The following RBFOX1 variants were observed in gnomAD, a reference collection of about 807,000 sequenced individuals.
RBFOX1 encodes the protein RNA binding protein fox-1 homolog 1.
A neutral mutation model predicts 57.7 loss-of-function variants in RBFOX1; 8 were observed. The observed-to-expected ratio is 0.14, with a 90% CI of 0.08 to 0.25. RBFOX1 has a LOEUF of 0.25. Ranked by LOEUF, RBFOX1 falls within the 10% of genes least tolerant of loss-of-function variation. RBFOX1 has a pLI of 1.00. For synonymous variants in RBFOX1, 326 were observed against 222.4 expected (o/e 1.47, Z -4.15); for missense variants, 611 against 548.5 (o/e 1.11, Z -1.14).
At position 5,914,232 on chromosome 16, in the gene RBFOX1, T is replaced by G. The variant is rs374199143; in HGVS notation, c.351+46897T>G. ...CTAGTAGATGTCTTCTCACATGTAT[T>G]TATTTTCTGTTACATAACAAATTAT... On this transcript the variant is annotated intron_variant, in intron 4 of 19. Coordinates refer to the RBFOX1 transcript ENST00000641259. 6.6e-5 allele frequency among the ~76,000 whole-genome samples: 10 copies of G among 152,370 alleles called. No homozygotes were observed. The East Asian group carries it at 1.7e-3, about 26-fold the overall frequency.
At chr16:7,248,256 A>G (rs1376930878) in intron 4 of RBFOX1, among the ~76,000 whole-genome samples, 4 of 152,176 alleles carry the variant, frequency 2.6e-5, no homozygotes, top group Admixed American at 2.6e-4. Context: ...AGTGAGTGGC[A>G]CATGAACGGC....
At chr16:6,385,182 C>T (rs1207571458) in intron 2 of RBFOX1, among the ~76,000 whole-genome samples, 1 of 152,136 alleles carries the variant, frequency 6.6e-6, no homozygotes, top group African/African-American at 2.4e-5. Context: ...CAAGATAAAG[C>T]TGTTAAAGCT....
chr16:7,164,037 T>G (rs2078934689), intron 4 of RBFOX1, among the ~76,000 whole-genome samples: 1 of 152,128 alleles, frequency 6.6e-6, no homozygotes, highest in Admixed American at 6.6e-5. Context: ...TCTTTAGTGG[T>G]GATTTCTGAG....
chr16:5,272,570 C>T (rs1596357365), intron 1 of RBFOX1, among the ~76,000 whole-genome samples: 1 of 152,138 alleles, frequency 6.6e-6, no homozygotes, highest in Non-Finnish European at 1.5e-5. Context: ...CTGCCTCTAC[C>T]GATACCCCAC....
chr16:7,550,069 A>G (rs2085862938), intron 5 of RBFOX1, among the ~76,000 whole-genome samples: 1 of 152,064 alleles, frequency 6.6e-6, no homozygotes, highest in African/African-American at 2.4e-5. Flanking sequence ...AGCTGGGAAC[A>G]CAGGCACACA....
At chr16:5,380,183 C>T in intron 1 of RBFOX1, among the ~76,000 whole-genome samples, 1 of 152,210 alleles carries the variant, frequency 6.6e-6, no homozygotes, top group East Asian at 1.9e-4. Context: ...CCGCCTGGCT[C>T]CACTTCCTGG....
intron 4 of RBFOX1, among the ~76,000 whole-genome samples, chr16:5,945,156 G>C (rs1672471691): frequency 6.6e-6 from 1 of 152,004 alleles, no homozygotes; most frequent in African/African-American, 2.4e-5. Context: ...CAGGGACATT[G>C]AGCAAGTCAT....
intron 1 of RBFOX1, among the ~76,000 whole-genome samples, chr16:6,229,738 T>G (rs28720886): frequency 0.02 from 3,102 of 152,162 alleles, 106 homozygotes; most frequent in African/African-American, 0.07. Context: ...TTTCTTTGCT[T>G]GTTATATTTC....
intron 2 of RBFOX1, among the ~76,000 whole-genome samples, chr16:5,577,199 C>G (rs1314410272): frequency 6.6e-6 from 1 of 152,220 alleles, no homozygotes; most frequent in Non-Finnish European, 1.5e-5. Flanking sequence ...TGTTCTCCTA[C>G]AGAAGACAGC....
chr16:5,546,102 G>A (rs1365782916), intron 2 of RBFOX1, among the ~76,000 whole-genome samples: 1 of 151,994 alleles, frequency 6.6e-6, no homozygotes, highest in Non-Finnish European at 1.5e-5. Flanking sequence ...GGAATACATA[G>A]GGATAAGTCT....
rs534796026 is a variant in RBFOX1 at position 6,993,267 on chromosome 16, T to A, written c.-15-58790T>A. Among the ~76,000 whole-genome samples, 270 of 152,256 alleles carry A rather than the reference T, an allele frequency of 1.8e-3. 1 individual carries two copies. Among genetic ancestry groups the A allele is most frequent in the African/African-American group, 6.3e-3 (262 of 41,554 alleles). On this transcript the variant is annotated intron_variant, in intron 3 of 15. Transcript: ENST00000550418. ...GACCCTGCACACACCTTCCTGGGAGTCATGTTTGTTGTTCAAATGAGTCTT... is the reference window on the plus strand; with the variant it reads ...GACCCTGCACACACCTTCCTGGGAGACATGTTTGTTGTTCAAATGAGTCTT...
At chr16:7,234,096 A>G (rs371850962) in intron 4 of RBFOX1, among the ~76,000 whole-genome samples, 14 of 152,220 alleles carry the variant, frequency 9.2e-5, no homozygotes, top group East Asian at 5.8e-4. Flanking sequence ...TGCTTGGTCA[A>G]TTTTCATTGC....
intron 4 of RBFOX1, among the ~76,000 whole-genome samples, chr16:7,058,389 C>G (rs994187435): frequency 2.6e-5 from 4 of 152,092 alleles, no homozygotes; most frequent in African/African-American, 9.7e-5. Context: ...TCTCTTTGCA[C>G]TTTGAAAACA....
intron 2 of RBFOX1, among the ~76,000 whole-genome samples, chr16:6,506,493 A>T (rs2096093743): frequency 6.6e-6 from 1 of 152,102 alleles, no homozygotes; most frequent in African/African-American, 2.4e-5. Flanking sequence ...AGACTCTATT[A>T]AAAAAGATGC....
intron 3 of RBFOX1, among the ~76,000 whole-genome samples, chr16:5,629,885 A>G (rs2048451283): frequency 6.6e-6 from 1 of 152,174 alleles, no homozygotes; most frequent in South Asian, 2.1e-4. Flanking sequence ...TGAGTAGGAA[A>G]GTACCCATCT....
chr16:6,376,159 T>C (rs1308023364), intron 2 of RBFOX1, among the ~76,000 whole-genome samples: 1 of 152,198 alleles, frequency 6.6e-6, no homozygotes, highest in Non-Finnish European at 1.5e-5. Flanking sequence ...TCAATATCTG[T>C]GATTCTTTGA....
intron 4 of RBFOX1, among the ~76,000 whole-genome samples, chr16:6,009,816 C>CTGTGTGTGTGTG (rs148472437): frequency 0.02 from 2,922 of 148,314 alleles, 93 homozygotes; most frequent in African/African-American, 0.065. Context: ...GTGTGTGTGT[C>CTGTGTGTGTGTG]TGTGTGTGTG....
In RBFOX1 at chr16:6,210,466, A is replaced by G. The variant is rs138741472; in HGVS notation, c.-126-106529A>G. On this transcript the variant is annotated intron_variant, in intron 1 of 15. Transcript: ENST00000550418. The stretch of plus-strand genomic sequence containing the variant: ...ACAAAGGGATCAGACACAGTGGCTC[A>G]CTCCTATAATCCCAGCACTTTAAGA... Among the ~76,000 whole-genome samples the G allele has an allele frequency of 2.5e-3, 387 of 152,000 alleles. 3 individuals carry two copies. The highest frequency in any genetic ancestry group is 4.1e-3 in the Admixed American group (63 of 15,280).
chr16:6,362,990 C>T (rs190948761), intron 2 of RBFOX1, among the ~76,000 whole-genome samples: 1 of 152,322 alleles, frequency 6.6e-6, no homozygotes, highest in Admixed American at 6.5e-5. Flanking sequence ...CTCCCTTGGG[C>T]TGAAGCTGGC....
Sources: allele counts gnomAD v4.1 joint callset (sites outside exome capture counted in the v4.1 genomes callset), GRCh38; gene constraint gnomAD v4.1.1; transcripts MANE v1.5; gene names NCBI Gene and HGNC (gene_info 2026-07-23, HGNC 2026-07-21).